Variants in CTNNA3 observed in about 807,000 individuals in gnomAD.
The protein encoded by CTNNA3 is catenin alpha 3.
In CTNNA3, 76 loss-of-function variants were observed where a neutral mutation model predicts 95.7. The observed-to-expected ratio is 0.79, with a 90% confidence interval of 0.66 to 0.96. The LOEUF is 0.96. Among genes scored for constraint, CTNNA3 ranks in the 40% least tolerant of loss-of-function variants. The pLI, the probability that CTNNA3 is intolerant of heterozygous loss-of-function variation, is 0.00. For missense variants in CTNNA3, 1,191 were observed against 1,089.8 expected (o/e 1.09, Z -1.31); for synonymous variants, 431 against 374.4 (o/e 1.15, Z -1.74).
intron 13 of CTNNA3, among the ~76,000 whole-genome samples, chr10:66,277,269 TG>T (rs1482302036): frequency 6.6e-6 from 1 of 152,130 alleles, no homozygotes; most frequent in African/African-American, 2.4e-5. Flanking sequence ...AGTATTTTAT[TG>T]TTTCAAAGGC....
At chr10:66,479,950 TCACACACA>T (rs71466882) in intron 11 of CTNNA3, among the ~76,000 whole-genome samples, 3 of 145,364 alleles carry the variant, frequency 2.1e-5, no homozygotes, top group African/African-American at 5.2e-5. Flanking sequence ...ACCAAAGCAT[TCACACACA>T]CACACACACA....
upstream of CTNNA3, among the ~76,000 whole-genome samples, chr10:67,700,269 C>A (rs61621631): frequency 0.1 from 15,879 of 152,202 alleles, 1,060 homozygotes; most frequent in African/African-American, 0.2. Flanking sequence ...TTGAAGAGAG[C>A]AGTGGTTCTC....
chr10:66,084,495 A>C (rs2080903446), intron 14 of CTNNA3, among the ~76,000 whole-genome samples: 1 of 152,218 alleles, frequency 6.6e-6, no homozygotes, highest in Admixed American at 6.5e-5. Context: ...ATGATTTCTA[A>C]AATTCTAGAT....
chr10:66,829,495 C>T (rs1246540529), intron 7 of CTNNA3, among the ~76,000 whole-genome samples: 2 of 151,834 alleles, frequency 1.3e-5, no homozygotes, highest in Admixed American at 1.3e-4. Flanking sequence ...CACCTGTAAT[C>T]CCAGCTACTG....
chr10:66,080,395 C>T (rs896847362), intron 14 of CTNNA3, among the ~76,000 whole-genome samples: 2 of 152,058 alleles, frequency 1.3e-5, no homozygotes, highest in African/African-American at 4.8e-5. Context: ...TTGTAAAATT[C>T]TTCAAAATCA....
Position 67,606,988 on chromosome 10 carries a change from CT to C in CTNNA3, c.160del (p.Arg54GlufsTer6). Reference protein sequence around the residue: ...PSSRKKGRSKRASVLLASVEE... With the variant: ...PSSRKKGRSKXASVLLASVEE... ...CACAGAAGCTAGAAGGACACTGGCT[CT>C]TTTCGAACGTCCTTTTTTCCTGCTG... On this transcript the variant is annotated frameshift_variant, in exon 3 of 18. Transcript: ENST00000433211. LOFTEE classifies it high-confidence loss of function. 1 of 1,614,100 alleles carries C rather than the reference CT, an allele frequency of 6.2e-7. No homozygotes were observed. The highest frequency in any genetic ancestry group is 8.5e-7 in the Non-Finnish European group (1 of 1,179,976).
intron 13 of CTNNA3, among the ~76,000 whole-genome samples, chr10:66,204,941 C>T (rs2087666115): frequency 6.6e-6 from 1 of 152,014 alleles, no homozygotes; most frequent in African/African-American, 2.4e-5. Flanking sequence ...TGCTTTATTA[C>T]CAATCCACAG....
At chr10:66,998,696 G>T (rs1015496763) in intron 7 of CTNNA3, among the ~76,000 whole-genome samples, 1 of 152,080 alleles carries the variant, frequency 6.6e-6, no homozygotes, top group African/African-American at 2.4e-5. Flanking sequence ...AAATAACATT[G>T]TCCAGAATAT....
intron 13 of CTNNA3, among the ~76,000 whole-genome samples, chr10:66,106,503 T>G (rs1391368592): frequency 1.3e-5 from 2 of 152,116 alleles, no homozygotes; most frequent in Admixed American, 1.3e-4. Flanking sequence ...TGAGTGATTA[T>G]GGGCAATATG....
At chr10:66,623,527 T>C (rs1844824979) in intron 9 of CTNNA3, among the ~76,000 whole-genome samples, 1 of 152,110 alleles carries the variant, frequency 6.6e-6, no homozygotes, top group Admixed American at 6.6e-5. Flanking sequence ...ACAGTGTGTG[T>C]TTATATTAGC....
chr10:66,395,390 A>T (rs1476563057), intron 11 of CTNNA3, among the ~76,000 whole-genome samples: 4 of 152,040 alleles, frequency 2.6e-5, no homozygotes, highest in Admixed American at 2.6e-4. Context: ...AAGCAAACAC[A>T]AGGTATGACT....
intron 14 of CTNNA3, among the ~76,000 whole-genome samples, chr10:66,083,852 T>C (rs1179126500): frequency 1.3e-5 from 2 of 151,972 alleles, no homozygotes; most frequent in Non-Finnish European, 2.9e-5. Flanking sequence ...TGATAGTGAG[T>C]TGGCTGGGTG....
intron 10 of CTNNA3, among the ~76,000 whole-genome samples, chr10:66,601,650 C>T (rs10822851): frequency 0.17 from 25,407 of 151,742 alleles, 2,312 homozygotes; most frequent in East Asian, 0.23. Context: ...TTGTCACATT[C>T]TCCTTGGGTA....
chr10:66,264,848 C>T (rs1204331710), intron 13 of CTNNA3, among the ~76,000 whole-genome samples: 1 of 151,946 alleles, frequency 6.6e-6, no homozygotes, highest in African/African-American at 2.4e-5. Context: ...CGACATAATC[C>T]TCTGTCCCAC....
chr10:66,314,573 G>T (rs1389246295), intron 12 of CTNNA3, among the ~76,000 whole-genome samples: 1 of 151,886 alleles, frequency 6.6e-6, no homozygotes, highest in East Asian at 1.9e-4. Context: ...ACTTTGACAA[G>T]ATCTCAATTT....
intron 9 of CTNNA3, among the ~76,000 whole-genome samples, chr10:66,623,586 G>T (rs953114413): frequency 2.0e-5 from 3 of 152,050 alleles, no homozygotes; most frequent in African/African-American, 7.2e-5. Flanking sequence ...ACAACTGAAA[G>T]TTGTGTTTTC....
At chr10:66,571,438 A>C (rs1161504808) in intron 10 of CTNNA3, among the ~76,000 whole-genome samples, 1 of 152,198 alleles carries the variant, frequency 6.6e-6, no homozygotes, top group Non-Finnish European at 1.5e-5. Context: ...ACAGGGCAGC[A>C]ATTACTGCCC....
Position 66,229,017 on chromosome 10 carries a change from A to T in CTNNA3, c.1884+51453T>A, listed in dbSNP as rs1449234094. 2.0e-5 allele frequency among the ~76,000 whole-genome samples: 3 copies of T among 152,154 alleles called. No individual in the cohort carries two copies. The South Asian group carries it at 6.2e-4, about 32-fold the overall frequency. On this transcript the variant is annotated intron_variant, in intron 13 of 17. Coordinates refer to ENST00000433211, the MANE Select transcript of CTNNA3 (RefSeq NM_013266.4). Reference sequence around the variant, plus strand: ...TTCCATTCTTTGACTTTCAGTCTGCATGTGTATTTCCAGGTAAAGTGAGCT... The same window carrying T: ...TTCCATTCTTTGACTTTCAGTCTGCTTGTGTATTTCCAGGTAAAGTGAGCT...
At chr10:67,616,629 T>C (rs1295876990) in intron 2 of CTNNA3, among the ~76,000 whole-genome samples, 5 of 152,124 alleles carry the variant, frequency 3.3e-5, no homozygotes, top group Non-Finnish European at 5.9e-5. Flanking sequence ...GCTGAGTAAA[T>C]GGAGGTAATA....
Sources: allele counts gnomAD v4.1 joint callset (sites outside exome capture counted in the v4.1 genomes callset), GRCh38; gene constraint gnomAD v4.1.1; transcripts MANE v1.5; gene names NCBI Gene and HGNC (gene_info 2026-07-23, HGNC 2026-07-21).